Variants in RINT1 observed in about 807,000 individuals in gnomAD.
The protein encoded by RINT1 is RAD50-interacting protein 1.
In RINT1, 75 loss-of-function variants were observed where a neutral mutation model predicts 97.7. The ratio of observed to expected loss-of-function variants is 0.77; its 90% CI spans 0.64 to 0.93. The LOEUF (loss-of-function observed/expected upper bound fraction) is 0.93. Among genes scored for constraint, RINT1 ranks in the 40% least tolerant of loss-of-function variants. RINT1 has a pLI of 0.00. For missense variants in RINT1, 892 were observed against 925.2 expected (o/e 0.96, Z 0.47); for synonymous variants, 303 against 326.3 (o/e 0.93, Z 0.77).
At chr7:105,546,719 CA>C (rs567969135) in intron 4 of RINT1, among the ~76,000 whole-genome samples, 190 bp from the exon 5 acceptor site, 16 of 152,104 alleles carry the variant, frequency 1.1e-4, no homozygotes, top group Admixed American at 9.2e-4. Context: ...ACTAAAAATA[CA>C]AAAAATTTAG....
intron 2 of RINT1, among the ~76,000 whole-genome samples, chr7:105,533,584 T>G (rs1463177168): frequency 6.6e-6 from 1 of 152,186 alleles, no homozygotes; most frequent in Non-Finnish European, 1.5e-5. Context: ...CAGTTGGGAA[T>G]GTGTAGCAGT....
rs776730982 is a variant in RINT1 at position 105,563,744 on chromosome 7, A to G, written c.1683A>G (p.Gln561=). Residue 561 remains glutamine (Q), a synonymous_variant, in exon 12 of 15, where the codon CAA becomes CAG. Transcript: ENST00000257700. ...ADWADNVFFL[Q]LQQAALEVFA... ...GTTTTTGCTTTCAGTTCTTTCTACA[A>G]CTTCAACAGGCTGCACTGGAGGTGT... 10 of 1,612,216 alleles carry G rather than the reference A, an allele frequency of 6.2e-6. No individual in the cohort carries two copies. Among genetic ancestry groups the G allele is most frequent in the Admixed American group, 5.0e-5 (3 of 59,662 alleles).
intron 4 of RINT1, among the ~76,000 whole-genome samples, chr7:105,542,916 C>T (rs530675081): frequency 4.0e-5 from 6 of 150,480 alleles, no homozygotes; most frequent in South Asian, 2.1e-4. Flanking sequence ...GATGGAGTCT[C>T]GCTCTGTCGC....
Position 105,563,777 on chromosome 7 carries a change from G to C in RINT1, c.1716G>C (p.Glu572Asp). 1 of 1,614,200 alleles carries C rather than the reference G, an allele frequency of 6.2e-7. No individual in the cohort carries two copies. Among genetic ancestry groups the C allele is most frequent in the Non-Finnish European group, 8.5e-7 (1 of 1,180,034 alleles). ...AGGCTGCACTGGAGGTGTTTGCAGA[G>C]AATAATACTCTGAGTAAATTGCAGC... ...LQQAALEVFA[E>D]NNTLSKLQLG... is the part of the protein sequence containing the mutation. Residue 572 changes from glutamate to aspartate, a missense_variant, in exon 12 of 15, where the codon GAG becomes GAC. Glu to Asp is a conservative substitution (Grantham distance 45). Transcript: ENST00000257700.
At position 105,549,855 on chromosome 7, in the gene RINT1, T is replaced by G. The variant is rs1586240240; in HGVS notation, c.997-200T>G. Among the ~76,000 whole-genome samples the G allele has an allele frequency of 4.6e-5, 7 of 152,326 alleles. 1 individual carries two copies. The highest frequency in any genetic ancestry group is 4.6e-4 in the Admixed American group (7 of 15,298). The stretch of plus-strand genomic sequence containing the variant: ...TGACTTAAGTCATATTATTGAAATT[T>G]GTTGGGAGTACATTAGCAAACATTT... On this transcript the variant is annotated intron_variant, in intron 7 of 14. Transcript: ENST00000257700.
chr7:105,560,924 T>C (rs1404942681), intron 11 of RINT1, among the ~76,000 whole-genome samples: 5 of 152,048 alleles, frequency 3.3e-5, no homozygotes, highest in African/African-American at 1.2e-4. Context: ...TTTCACCATG[T>C]TGGTCAGGCT....
In RINT1 at chr7:105,534,096, A is replaced by G. The variant is rs1199981990; in HGVS notation, c.88+1227A>G. On this transcript the variant is annotated intron_variant, in intron 2 of 14. Coordinates refer to ENST00000257700, the MANE Select transcript of RINT1 (RefSeq NM_021930.6). The stretch of plus-strand genomic sequence containing the variant: ...GTAATTTTTTTTTTTTTTGAGACTT[A>G]GTCTCACTCTGTCTCTCAGGCTGGA... 2.0e-5 allele frequency among the ~76,000 whole-genome samples: 3 copies of G among 150,164 alleles called. No individual in the cohort carries two copies. The East Asian group carries it at 5.8e-4, about 29-fold the overall frequency.
chr7:105,554,421 A>G (rs1188973740), intron 10 of RINT1, among the ~76,000 whole-genome samples: 1 of 144,678 alleles, frequency 6.9e-6, no homozygotes, highest in Non-Finnish European at 1.5e-5. Flanking sequence ...TGTTGAAGAA[A>G]CTGTCATTTT....
intron 11 of RINT1, among the ~76,000 whole-genome samples, chr7:105,561,907 TGAAAGA>T (rs1429308461): frequency 2.0e-5 from 3 of 151,896 alleles, no homozygotes; most frequent in Non-Finnish European, 2.9e-5. Flanking sequence ...ACACAGAAGT[TGAAAGA>T]GAAAAATATT....
rs1060503049 is a variant in RINT1 at position 105,555,165 on chromosome 7, T to C, written c.1609T>C (p.Cys537Arg). ...TAGAGCTTCCCTTGGCTTTCGATAC[T>C]GTGCAATTCTTAATGCTGTGAACTA... Reference protein sequence around the residue: ...ETRASLGFRYCAILNAVNYIS... With the variant: ...ETRASLGFRYRAILNAVNYIS... The change falls in exon 11 of 15, where the codon TGT (cysteine) becomes CGT (arginine). Residue 537 changes from cysteine to arginine, a missense_variant. Physicochemically the swap from Cys to Arg is radical, Grantham distance 180. Coordinates refer to ENST00000257700, the MANE Select transcript of RINT1 (RefSeq NM_021930.6). 2.5e-6 allele frequency: 4 copies of C among 1,614,014 alleles called. No homozygotes were observed. In the African/African-American group the frequency reaches 4.0e-5, roughly 16 times the overall value.
At chr7:105,539,355 CTTTTTTTT>C (rs56362601) in intron 3 of RINT1, among the ~76,000 whole-genome samples, 1 of 131,654 alleles carries the variant, frequency 7.6e-6, no homozygotes, top group Non-Finnish European at 1.6e-5. Context: ...CTTTCCCACT[CTTTTTTTT>C]TTTTTTTTTT....
chr7:105,559,971 A>C (rs951948476), intron 11 of RINT1, among the ~76,000 whole-genome samples: 4 of 152,252 alleles, frequency 2.6e-5, no homozygotes, highest in African/African-American at 9.6e-5. Flanking sequence ...ATTCAGAATT[A>C]GGAATTTTTC....
intron 2 of RINT1, among the ~76,000 whole-genome samples, chr7:105,533,978 A>C (rs1403627320): frequency 6.6e-6 from 1 of 152,182 alleles, no homozygotes; most frequent in Non-Finnish European, 1.5e-5. Context: ...GGAGACACAT[A>C]AAAACCTCCC....
At chr7:105,549,987 G>GTGC in intron 7 of RINT1, 68 bp from the exon 8 acceptor site, 3 of 999,706 alleles carry the variant, frequency 3.0e-6, no homozygotes, top group Non-Finnish European at 4.6e-6. Context: ...CAATTAAATA[G>GTGC]AACCATGTAA....
Position 105,547,059 on chromosome 7 carries a change from A to C in RINT1, c.665A>C (p.Lys222Thr), listed in dbSNP as rs778807901. 1 of 1,613,852 alleles carries C rather than the reference A, an allele frequency of 6.2e-7. No individual in the cohort carries two copies. The highest frequency in any genetic ancestry group is 1.1e-5 in the South Asian group (1 of 90,930). Residue 222 changes from lysine (K) to threonine (T), a missense_variant, in exon 5 of 15, where the codon AAA (lysine) becomes ACA (threonine). By Grantham distance (78) the Lys-to-Thr change is moderately conservative. Coordinates refer to ENST00000257700, the MANE Select transcript of RINT1 (RefSeq NM_021930.6). ...AGAGCCACAGTTAAATTCTGGCATA[A>C]AATTCTCAAGGACAAGCTTACAAGG... Reference protein sequence around the residue: ...FMRATVKFWHKILKDKLTSDF... With the variant: ...FMRATVKFWHTILKDKLTSDF...
intron 3 of RINT1, 185 bp from the exon 4 acceptor site, chr7:105,542,223 T>A: frequency 3.5e-6 from 2 of 574,704 alleles, no homozygotes; most frequent in Non-Finnish European, 6.1e-6. Context: ...TAGTCCCAAC[T>A]ACTGGGGAGG....
At chr7:105,549,232 C>G (rs1366085889) in intron 7 of RINT1, among the ~76,000 whole-genome samples, 2 of 152,120 alleles carry the variant, frequency 1.3e-5, no homozygotes, top group Non-Finnish European at 2.9e-5. Context: ...GGTGATCCAC[C>G]TGACTTAGCC....
intron 11 of RINT1, among the ~76,000 whole-genome samples, chr7:105,560,820 A>G (rs998827440): frequency 1.3e-5 from 2 of 151,928 alleles, no homozygotes; most frequent in African/African-American, 2.4e-5. Context: ...TCCCAGGTTC[A>G]AGTTATTCTC....
intron 10 of RINT1, among the ~76,000 whole-genome samples, chr7:105,554,579 C>T (rs929743299): frequency 3.3e-5 from 5 of 151,860 alleles, no homozygotes; most frequent in Non-Finnish European, 5.9e-5. Context: ...GCTGGGATTA[C>T]AGGCACACGC....
Sources: gnomAD v4.1 joint callset for allele counts (sites outside exome capture counted in the v4.1 genomes callset) on GRCh38, gnomAD v4.1.1 for gene constraint, MANE v1.5 for transcripts, NCBI Gene and HGNC (gene_info 2026-07-23, HGNC 2026-07-21) for gene names.